The following CAMTA1 variants were observed in gnomAD, a reference collection of about 807,000 sequenced individuals.
CAMTA1 encodes the protein calmodulin binding transcription activator 1, also known as calmodulin-binding transcription activator 1.
In CAMTA1, 27 loss-of-function variants were observed where a neutral mutation model predicts 170.9. That is an observed-to-expected ratio of 0.16 (90% CI 0.12 to 0.22). The LOEUF is 0.22. Ranked by LOEUF, CAMTA1 falls within the 10% of genes least tolerant of loss-of-function variation. CAMTA1 has a pLI of 1.00. For synonymous variants in CAMTA1, 833 were observed against 891.5 expected, an observed-to-expected ratio of 0.93 and a Z score of 1.17; for missense variants, 1,619 against 2,217.2, an observed-to-expected ratio of 0.73 and a Z score of 5.42.
chr1:7,625,959 G>A (rs150347716), intron 6 of CAMTA1, among the ~76,000 whole-genome samples: 4 of 152,152 alleles, frequency 2.6e-5, no homozygotes, highest in African/African-American at 9.7e-5. Context: ...GATAAAGAAG[G>A]ATTTAAAAAG....
At chr1:6,811,055 T>G (rs1645109132) in intron 1 of CAMTA1, among the ~76,000 whole-genome samples, 1 of 152,206 alleles carries the variant, frequency 6.6e-6, no homozygotes, top group Non-Finnish European at 1.5e-5. Flanking sequence ...TTTGTCTTCA[T>G]GTGCCTTCTA....
intron 16 of CAMTA1, among the ~76,000 whole-genome samples, chr1:7,743,889 C>A (rs533434234): frequency 6.6e-6 from 1 of 150,412 alleles, no homozygotes; most frequent in Non-Finnish European, 1.5e-5. Context: ...TGCAGTGGCG[C>A]GATCTTGGCT....
chr1:7,735,530 T>A (rs1453068729), intron 12 of CAMTA1, among the ~76,000 whole-genome samples: 3 of 151,966 alleles, frequency 2.0e-5, no homozygotes, highest in African/African-American at 7.3e-5. Flanking sequence ...GGAAAGCTAC[T>A]CTGCTCCACT....
intron 22 of CAMTA1, among the ~76,000 whole-genome samples, chr1:7,757,050 ATACTT>A (rs1410970159): frequency 6.6e-6 from 1 of 152,192 alleles, no homozygotes; most frequent in Non-Finnish European, 1.5e-5. Flanking sequence ...CCTTACACTA[ATACTT>A]TATTTAGTCA....
At chr1:7,363,104 T>G (rs76912435) in intron 5 of CAMTA1, among the ~76,000 whole-genome samples, 1 of 152,214 alleles carries the variant, frequency 6.6e-6, no homozygotes, top group African/African-American at 2.4e-5. Context: ...ATACCAAGTT[T>G]GAAACGTGAG....
Position 7,463,847 on chromosome 1 carries a change from G to A in CAMTA1, c.439-3983G>A, listed in dbSNP as rs1482709382. Among the ~76,000 whole-genome samples the A allele has an allele frequency of 6.6e-6, 1 of 152,226 alleles. No individual in the cohort carries two copies. The highest frequency in any genetic ancestry group is 2.1e-4 in the South Asian group (1 of 4,830). Reference sequence around the variant, plus strand: ...CCCTCTTTGGTGTGGGACCCCCACTGCGTTTGAGGGGGCTCTGCGGCCATG... The same window carrying A: ...CCCTCTTTGGTGTGGGACCCCCACTACGTTTGAGGGGGCTCTGCGGCCATG... On this transcript the variant is annotated intron_variant, in intron 5 of 22. Transcript: ENST00000303635. The surrounding 1 kb of genome is among the most constrained non-coding windows in gnomAD (Gnocchi z 4.7).
chr1:7,711,869 A>C (rs2096573291), intron 11 of CAMTA1, among the ~76,000 whole-genome samples: 1 of 152,256 alleles, frequency 6.6e-6, no homozygotes, highest in Non-Finnish European at 1.5e-5. Flanking sequence ...TCAGTTGAGT[A>C]ATATTTCCCA....
At chr1:7,710,221 A>C (rs1177448633) in intron 11 of CAMTA1, among the ~76,000 whole-genome samples, 3 of 152,204 alleles carry the variant, frequency 2.0e-5, no homozygotes, top group Admixed American at 6.5e-5. Context: ...AAGACAGTTT[A>C]TTGCTACTGT....
At chr1:6,987,678 TTTTC>T (rs1415707812) in intron 3 of CAMTA1, among the ~76,000 whole-genome samples, 1 of 152,178 alleles carries the variant, frequency 6.6e-6, no homozygotes, top group Admixed American at 6.5e-5. Context: ...ACCCCTTACT[TTTTC>T]TTTCTGTCTT....
intron 4 of CAMTA1, among the ~76,000 whole-genome samples, chr1:7,239,042 G>A (rs1041166927): frequency 6.6e-6 from 1 of 152,142 alleles, no homozygotes; most frequent in Non-Finnish European, 1.5e-5. Flanking sequence ...CTCAATAATT[G>A]TTGTTTCTTT....
At chr1:7,518,286 G>A (rs1004089383) in intron 6 of CAMTA1, among the ~76,000 whole-genome samples, 29 of 151,928 alleles carry the variant, frequency 1.9e-4, no homozygotes, top group Non-Finnish European at 3.4e-4. Flanking sequence ...GGTGTGGCGG[G>A]ATCTCTCCAG....
chr1:7,025,229 C>T (rs986008146), intron 3 of CAMTA1, among the ~76,000 whole-genome samples: 8 of 152,206 alleles, frequency 5.3e-5, no homozygotes, highest in African/African-American at 1.9e-4. Context: ...GACCTATTGC[C>T]GCGGTAGCTG....
chr1:7,231,872 T>C (rs1662901574), intron 4 of CAMTA1, among the ~76,000 whole-genome samples: 1 of 152,190 alleles, frequency 6.6e-6, no homozygotes, highest in Admixed American at 6.5e-5. Flanking sequence ...CTTCTTATAG[T>C]GCAAACAAAG....
At chr1:6,905,839 T>C (rs916946044) in intron 3 of CAMTA1, among the ~76,000 whole-genome samples, 2 of 152,226 alleles carry the variant, frequency 1.3e-5, no homozygotes, top group African/African-American at 4.8e-5. Context: ...ATACAGAGTG[T>C]GCTCGGTGCA....
At chr1:7,140,598 G>T (rs984176532) in intron 4 of CAMTA1, among the ~76,000 whole-genome samples, 2 of 152,092 alleles carry the variant, frequency 1.3e-5, no homozygotes, top group African/African-American at 4.8e-5. Flanking sequence ...AAACACTGTG[G>T]ACAGCATCAT....
chr1:7,035,562 C>T (rs185175889), intron 3 of CAMTA1, among the ~76,000 whole-genome samples: 1 of 152,292 alleles, frequency 6.6e-6, no homozygotes, highest in South Asian at 2.1e-4. Context: ...TGTGGTGAGG[C>T]CCCAGCAGTT....
intron 3 of CAMTA1, among the ~76,000 whole-genome samples, chr1:6,986,801 C>T (rs1695432296): frequency 6.6e-6 from 1 of 152,098 alleles, no homozygotes; most frequent in African/African-American, 2.4e-5. Context: ...GGGAGCAAAC[C>T]TCCCAGGTTT....
rs529246616 is a variant in CAMTA1, at chr1:7,487,472, A to G, written c.510+19571A>G. On this transcript the variant is annotated intron_variant, in intron 6 of 22. Coordinates refer to ENST00000303635, the MANE Select transcript of CAMTA1 (RefSeq NM_015215.4). The stretch of plus-strand genomic sequence containing the variant: ...TTGATATTTTAAAGTATTGCACTGC[A>G]GTGGCATTTGTCTTGATGGCTGAGT... Among the ~76,000 whole-genome samples, 8 of 152,382 alleles carry G rather than the reference A, an allele frequency of 5.2e-5. No homozygotes were observed. The South Asian group carries it at 1.7e-3, about 32-fold the overall frequency.
At chr1:7,735,563 A>G (rs577010916) in intron 12 of CAMTA1, among the ~76,000 whole-genome samples, 1 of 152,304 alleles carries the variant, frequency 6.6e-6, no homozygotes, top group African/African-American at 2.4e-5. Context: ...TTTACTGCCT[A>G]CAGGAAGGCT....
Sources: allele counts gnomAD v4.1 joint callset (sites outside exome capture counted in the v4.1 genomes callset), GRCh38; gene constraint gnomAD v4.1.1; non-coding constraint Gnocchi (gnomAD v3.1); transcripts MANE v1.5; gene names NCBI Gene and HGNC (gene_info 2026-07-23, HGNC 2026-07-21).